Variants in CAND2 observed in about 807,000 individuals in gnomAD.
CAND2 encodes cullin-associated NEDD8-dissociated protein 2.
CAND2 carries 62 observed loss-of-function variants against 98.9 expected under a neutral mutation model. That is an observed-to-expected ratio of 0.63 (90% CI 0.51 to 0.77). The LOEUF is 0.77. Among genes scored for constraint, CAND2 ranks in the 30% least tolerant of loss-of-function variants. The probability of loss-of-function intolerance (pLI) is 0.00; values close to 1 mark genes in which losing one functional copy is unlikely to be tolerated. For synonymous variants in CAND2, 770 were observed against 731.9 expected (o/e 1.05, Z -0.84); for missense variants, 1,501 against 1,655.2 (o/e 0.91, Z 1.62).
intron 13 of CAND2, among the ~76,000 whole-genome samples, chr3:12,828,979 G>C (rs535344569): frequency 2.6e-5 from 4 of 152,286 alleles, no homozygotes; most frequent in African/African-American, 7.2e-5. Flanking sequence ...GGTGTTCCCA[G>C]CTTCTGGCTA....
chr3:12,809,284 G>A (rs2061831023), intron 4 of CAND2, among the ~76,000 whole-genome samples: 1 of 152,068 alleles, frequency 6.6e-6, no homozygotes, highest in African/African-American at 2.4e-5. Flanking sequence ...TGAGGCTCCT[G>A]GGAGGCACTC....
At chr3:12,830,204 G>C (rs1489285895) in intron 13 of CAND2, among the ~76,000 whole-genome samples, 2 of 152,186 alleles carry the variant, frequency 1.3e-5, no homozygotes, top group Non-Finnish European at 2.9e-5. Context: ...CCCCAAGAAA[G>C]AGAAAAGAAG....
chr3:12,824,599 G>A (rs1216307708), intron 11 of CAND2, among the ~76,000 whole-genome samples: 4 of 152,086 alleles, frequency 2.6e-5, no homozygotes, highest in Non-Finnish European at 5.9e-5. Flanking sequence ...AGTTTTGGTG[G>A]GGACATTCAA....
intron 1 of CAND2, among the ~76,000 whole-genome samples, chr3:12,797,224 C>T (rs1365890508): frequency 6.7e-6 from 1 of 149,258 alleles, no homozygotes; most frequent in Non-Finnish European, 1.5e-5. Flanking sequence ...CTACGCCTCT[C>T]CCTGGGGACC....
In CAND2 at chr3:12,813,755, G is replaced by A. The variant is rs188921339; in HGVS notation, c.1006+367G>A. On this transcript the variant is annotated intron_variant, in intron 7 of 14. Transcript: ENST00000456430. ...GCTCCCCCACCTCTGCACTGCCACC[G>A]TGTACCCTTTTATGAATGGCTTTCA... Among the ~76,000 whole-genome samples the A allele has an allele frequency of 4.9e-3, 740 of 152,308 alleles. 1 individual carries two copies. The highest frequency in any genetic ancestry group is 0.016 in the African/African-American group (678 of 41,550).
intron 7 of CAND2, among the ~76,000 whole-genome samples, chr3:12,813,994 G>T (rs1430054303): frequency 6.6e-6 from 1 of 152,220 alleles, no homozygotes; most frequent in African/African-American, 2.4e-5. Flanking sequence ...AGAGCCTGAT[G>T]GGGTACTTGG....
intron 7 of CAND2, 137 bp downstream of exon 7, chr3:12,813,525 G>T (rs985079665): frequency 1.3e-6 from 1 of 760,080 alleles, no homozygotes; most frequent in Non-Finnish European, 2.1e-6. Flanking sequence ...AGTCCCACCC[G>T]CTGTGACTGC....
chr3:12,832,136 T>G (rs2062058405), intron 14 of CAND2: 1 of 152,234 alleles, frequency 6.6e-6, no homozygotes, highest in Admixed American at 6.5e-5. Flanking sequence ...AGGATGGGAA[T>G]CATTACCAAA....
intron 12 of CAND2, among the ~76,000 whole-genome samples, chr3:12,826,366 A>G (rs1460683248): frequency 8.6e-5 from 13 of 151,760 alleles, no homozygotes; most frequent in Admixed American, 8.5e-4. Flanking sequence ...TGAAGGGTGA[A>G]AAGGTGTTTA....
chr3:12,821,114 A>C (rs2061953967), intron 11 of CAND2, among the ~76,000 whole-genome samples: 1 of 152,058 alleles, frequency 6.6e-6, no homozygotes, highest in Admixed American at 6.6e-5. Flanking sequence ...GGCACCTGTA[A>C]TCCCAGCTAC....
In CAND2 at chr3:12,816,528, C is replaced by A; in HGVS notation, c.1596C>A (p.Asp532Glu). Residue 532 changes from aspartate (D) to glutamate (E), a missense_variant, in exon 10 of 15, where the codon GAC becomes GAA. Asp to Glu is a conservative substitution (Grantham distance 45). Around this residue, in one of 3 missense-constraint regions of CAND2, gnomAD observed 1,427 missense variants for 1,545.3 expected, o/e 0.92. Transcript: ENST00000456430. ...CACCTGTGATGGCCTGTGTGGCTGA[C>A]TCTTTCTACAAGATTGCAGCCGAGG... ...LLPPVMACVA[D>E]SFYKIAAEAL... 1 of 1,614,008 alleles carries A rather than the reference C, an allele frequency of 6.2e-7. No individual in the cohort carries two copies. Among genetic ancestry groups the A allele is most frequent in the South Asian group, 1.1e-5 (1 of 91,090 alleles).
At chr3:12,833,698 C>A in intron 14 of CAND2, 57 bp from the exon 15 acceptor site, 1 of 1,347,276 alleles carries the variant, frequency 7.4e-7, no homozygotes, top group South Asian at 1.2e-5. Flanking sequence ...AGTGAGGAGG[C>A]AGTGGTGTGG....
chr3:12,826,687 C>T (rs1377079471), intron 12 of CAND2, among the ~76,000 whole-genome samples: 1 of 151,750 alleles, frequency 6.6e-6, no homozygotes, highest in South Asian at 2.1e-4. Flanking sequence ...GCTGGGAGGA[C>T]AGCCATCATG....
intron 1 of CAND2, among the ~76,000 whole-genome samples, chr3:12,802,197 G>A (rs59252327): frequency 0.031 from 4,753 of 152,276 alleles, 209 homozygotes; most frequent in African/African-American, 0.1. Flanking sequence ...CGTGGTGGCC[G>A]GCACCTGTAG....
rs528530461 is a variant in CAND2, at chr3:12,824,217, C to T, written c.3041-1253C>T. Among the ~76,000 whole-genome samples the T allele has an allele frequency of 2.0e-5, 3 of 152,276 alleles. No homozygotes were observed. The South Asian group carries it at 6.2e-4, about 32-fold the overall frequency. On this transcript the variant is annotated intron_variant, in intron 11 of 14. Transcript: ENST00000456430. ...AAACCTGCACGTTGTGCACATGTAC[C>T]CTAGAACTTAAAGTATAATAAAAAA...
intron 10 of CAND2, among the ~76,000 whole-genome samples, chr3:12,818,248 G>T (rs2061925551): frequency 7.1e-6 from 1 of 140,092 alleles, no homozygotes; most frequent in African/African-American, 2.8e-5. Flanking sequence ...AACATGGTGA[G>T]ACCCTGCCTC....
intron 5 of CAND2, among the ~76,000 whole-genome samples, chr3:12,810,721 T>C (rs955810375): frequency 6.6e-6 from 1 of 152,344 alleles, no homozygotes; most frequent in Admixed American, 6.5e-5. Flanking sequence ...TGTTCTCTTC[T>C]CCCAGTTTGA....
Position 12,815,233 on chromosome 3 carries a change from C to A in CAND2, c.1099C>A (p.Pro367Thr), listed in dbSNP as rs762061743. 7 of 1,613,780 alleles carry A rather than the reference C, an allele frequency of 4.3e-6. No individual in the cohort carries two copies. The East Asian group carries it at 1.1e-4, about 26-fold the overall frequency. ...KCIAALISSRPDLLPDFHCTL... is the reference protein window; with the variant it reads ...KCIAALISSRTDLLPDFHCTL... ...CATCGCAGCCTTGATCAGCTCGCGG[C>A]CTGACCTGCTGCCCGATTTCCACTG... Residue 367 changes from proline to threonine, a missense_variant, in exon 8 of 15, where the codon CCT becomes ACT. Coordinates refer to ENST00000456430, the MANE Select transcript of CAND2 (RefSeq NM_001162499.2). The surrounding 1 kb of genome is among the most constrained non-coding windows in gnomAD (Gnocchi z 5.7).
At chr3:12,813,593 T>C (rs1033764395) in intron 7 of CAND2, among the ~76,000 whole-genome samples, 2 of 152,222 alleles carry the variant, frequency 1.3e-5, no homozygotes, top group African/African-American at 4.8e-5. Context: ...CTACTAGTTG[T>C]GTTCCTCACA....
Sources: gnomAD v4.1 joint callset for allele counts (sites outside exome capture counted in the v4.1 genomes callset) on GRCh38, gnomAD v4.1.1 for gene constraint, gnomAD v4.1.1 regional missense constraint, Gnocchi (gnomAD v3.1) non-coding constraint, MANE v1.5 for transcripts, NCBI Gene and HGNC (gene_info 2026-07-23, HGNC 2026-07-21) for gene names.